EDARADD: variants seen among roughly 807,000 people sequenced by gnomAD.
EDARADD encodes EDAR associated via death domain.
Under a neutral mutation model 25.6 loss-of-function variants are expected in EDARADD, and 20 were observed. That is an observed-to-expected ratio of 0.78 (90% CI 0.55 to 1.14). The LOEUF is 1.14. EDARADD is among the 50% of genes most tolerant of loss of function. The pLI, the probability that EDARADD is intolerant of heterozygous loss-of-function variation, is 0.00. For synonymous variants in EDARADD, 86 were observed against 94.4 expected, an observed-to-expected ratio of 0.91 and a Z score of 0.52; for missense variants, 225 against 270.1, an observed-to-expected ratio of 0.83 and a Z score of 1.17.
intron 5 of EDARADD, 23 bp downstream of exon 5, chr1:236,468,299 A>G (rs201611000): frequency 7.1e-5 from 115 of 1,611,264 alleles, no homozygotes; most frequent in Middle Eastern, 5.0e-4. Context: ...TTCTAAAGCT[A>G]TCTGGGCTAA....
At chr1:236,352,289 G>A (rs558666299) in intron 3 of EDARADD, among the ~76,000 whole-genome samples, 3 of 152,186 alleles carry the variant, frequency 2.0e-5, no homozygotes, top group Non-Finnish European at 4.4e-5. Context: ...TTTCTTGGAA[G>A]ATCAGATAAA....
intron 4 of EDARADD, among the ~76,000 whole-genome samples, chr1:236,443,748 C>T (rs1167768928): frequency 3.9e-5 from 6 of 152,102 alleles, no homozygotes; most frequent in Admixed American, 3.3e-4. Flanking sequence ...TAGAGTAGTA[C>T]ATAAATTTAG....
At chr1:236,472,183 G>GA (rs1334746559) in intron 5 of EDARADD, among the ~76,000 whole-genome samples, 11 of 152,158 alleles carry the variant, frequency 7.2e-5, no homozygotes, top group Admixed American at 7.2e-4. Context: ...AGAGTGTGGA[G>GA]AAGCCCTGTG....
intron 4 of EDARADD, 69 bp from the exon 5 acceptor site, chr1:236,468,162 T>G: frequency 6.7e-7 from 1 of 1,500,350 alleles, no homozygotes; most frequent in Non-Finnish European, 9.3e-7. Flanking sequence ...TTAACTAAGT[T>G]GGAAGATTGA....
chr1:236,382,438 G>A (rs1475347353), intron 3 of EDARADD, among the ~76,000 whole-genome samples: 1 of 152,138 alleles, frequency 6.6e-6, no homozygotes, highest in Non-Finnish European at 1.5e-5. Flanking sequence ...TGTATCATCT[G>A]TGTCCATTCT....
Position 236,373,207 on chromosome 1 carries a change from G to A in EDARADD, c.-6+22368G>A, listed in dbSNP as rs551347411. Among the ~76,000 whole-genome samples the A allele has an allele frequency of 4.0e-3, 598 of 149,194 alleles. 9 individuals carry two copies. The highest frequency in any genetic ancestry group is 0.014 in the African/African-American group (571 of 40,418). ...TGGGATTACAGGCGTGAGCCACCATGCCCAGCCTTCTTTTTTGAGACAGAG... is the reference window on the plus strand; with the variant it reads ...TGGGATTACAGGCGTGAGCCACCATACCCAGCCTTCTTTTTTGAGACAGAG... On this transcript the variant is annotated intron_variant, in intron 3 of 7. Coordinates refer to the EDARADD transcript ENST00000439430.
chr1:236,455,485 C>G (rs1658835069), intron 4 of EDARADD, among the ~76,000 whole-genome samples: 2 of 152,230 alleles, frequency 1.3e-5, no homozygotes, highest in African/African-American at 4.8e-5. Context: ...GTTCCTTCCT[C>G]TAAGGGAAAA....
intron 4 of EDARADD, among the ~76,000 whole-genome samples, chr1:236,429,882 C>T (rs1332170357): frequency 2.6e-5 from 4 of 152,214 alleles, no homozygotes; most frequent in African/African-American, 9.7e-5. Flanking sequence ...ACTATATTTA[C>T]AGCATTCAGT....
chr1:236,416,645 G>A (rs1657647249), intron 3 of EDARADD, among the ~76,000 whole-genome samples: 2 of 152,194 alleles, frequency 1.3e-5, no homozygotes, highest in South Asian at 2.1e-4. Context: ...TTAGATCAAG[G>A]AACAGATTGG....
At chr1:236,405,874 C>CTTCTTTCTTTCTTTCTTTCTTTCTTTCT (rs869205931) in intron 1 of EDARADD, among the ~76,000 whole-genome samples, 7 of 30,920 alleles carry the variant, frequency 2.3e-4, no homozygotes, top group East Asian at 3.4e-3. Flanking sequence ...TCCTTCCTTC[C>CTTCTTTCTTTCTTTCTTTCTTTCTTTCT]TTCTTTCTTT....
chr1:236,352,377 A>G (rs1225855577), intron 3 of EDARADD, among the ~76,000 whole-genome samples: 6 of 152,190 alleles, frequency 3.9e-5, no homozygotes, highest in Non-Finnish European at 7.3e-5. Flanking sequence ...AGCCAAGTGC[A>G]GGAGCTCAGT....
At chr1:236,418,903 C>T (rs12070753) in intron 3 of EDARADD, among the ~76,000 whole-genome samples, 2,296 of 152,224 alleles carry the variant, frequency 0.015, 56 homozygotes, top group African/African-American at 0.052. Context: ...ACACTCCCCG[C>T]CCCCGCTCCC....
intron 4 of EDARADD, among the ~76,000 whole-genome samples, chr1:236,466,450 C>CACACACACAG (rs1200342257): frequency 2.0e-5 from 3 of 151,872 alleles, no homozygotes; most frequent in Admixed American, 1.3e-4. Flanking sequence ...AACACACACA[C>CACACACACAG]ACACACACAC....
At chr1:236,377,635 A>G (rs1392855034) in intron 3 of EDARADD, among the ~76,000 whole-genome samples, 1 of 151,230 alleles carries the variant, frequency 6.6e-6, no homozygotes, top group Non-Finnish European at 1.5e-5. Context: ...CGAGGTGGGC[A>G]GATCATAAGG....
chr1:236,450,907 T>C (rs1307202841), intron 4 of EDARADD, among the ~76,000 whole-genome samples: 6 of 152,158 alleles, frequency 3.9e-5, no homozygotes, highest in Admixed American at 6.5e-5. Context: ...ATGCTCACTT[T>C]ACACATCGAG....
At position 236,413,511 on chromosome 1, in the gene EDARADD, T is replaced by C. The variant is rs140964435; in HGVS notation, c.121-749T>C. 6.3e-3 allele frequency among the ~76,000 whole-genome samples: 963 copies of C among 152,062 alleles called. 10 individuals are homozygous for C. Among genetic ancestry groups the C allele is most frequent in the Middle Eastern group, 0.014 (4 of 294 alleles). On this transcript the variant is annotated intron_variant, in intron 2 of 5. Coordinates refer to ENST00000334232, the MANE Select transcript of EDARADD (RefSeq NM_145861.4). ...GGCTGAAGGACAGGGCTGAGTGGAG[T>C]TGGGAGCTGAGCAGGGGTTAGGGGA...
intron 3 of EDARADD, among the ~76,000 whole-genome samples, chr1:236,377,966 T>G (rs753732919): frequency 1.3e-5 from 2 of 152,190 alleles, no homozygotes; most frequent in Non-Finnish European, 2.9e-5. Flanking sequence ...TAAAAGGAAC[T>G]GATATTCATA....
At chr1:236,476,248 C>G (rs1046501709) in intron 5 of EDARADD, among the ~76,000 whole-genome samples, 11 of 151,584 alleles carry the variant, frequency 7.3e-5, no homozygotes, top group African/African-American at 2.4e-4. Context: ...TTTACAGAAA[C>G]CTTCTGATGT....
chr1:236,384,331 T>G (rs371305320), intron 3 of EDARADD, among the ~76,000 whole-genome samples: 1 of 152,238 alleles, frequency 6.6e-6, no homozygotes, highest in Non-Finnish European at 1.5e-5. Context: ...GCTTTAAAAA[T>G]TTGCCGATCG....
Sources: gnomAD v4.1 joint callset for allele counts (sites outside exome capture counted in the v4.1 genomes callset) on GRCh38, gnomAD v4.1.1 for gene constraint, MANE v1.5 for transcripts, NCBI Gene and HGNC (gene_info 2026-07-23, HGNC 2026-07-21) for gene names.